Variants in KAZN observed in about 807,000 individuals in gnomAD.
KAZN encodes the protein kazrin, periplakin interacting protein.
Under a neutral mutation model 87.4 loss-of-function variants are expected in KAZN, and 40 were observed. That is an observed-to-expected ratio of 0.46 (90% CI 0.36 to 0.60). KAZN has a LOEUF of 0.60. KAZN is among the 20% of genes least tolerant of loss of function. The pLI, the probability that KAZN is intolerant of heterozygous loss-of-function variation, is 0.00. For missense variants in KAZN, 898 were observed against 1,073.9 expected (o/e 0.84, Z 2.29); for synonymous variants, 466 against 458.3 (o/e 1.02, Z -0.22).
intron 1 of KAZN, among the ~76,000 whole-genome samples, chr1:13,962,503 C>G (rs1389767163): frequency 1.3e-5 from 2 of 152,130 alleles, no homozygotes; most frequent in Non-Finnish European, 2.9e-5. Flanking sequence ...CTCTCACTTG[C>G]ATCATTTCTT....
chr1:14,610,031 C>T (rs1382286033), intron 1 of KAZN, among the ~76,000 whole-genome samples: 1 of 152,202 alleles, frequency 6.6e-6, no homozygotes, highest in Non-Finnish European at 1.5e-5. Context: ...ATGGAGACAC[C>T]ATCACTTCAA....
At chr1:14,635,972 G>A (rs1679952130) in intron 1 of KAZN, among the ~76,000 whole-genome samples, 1 of 152,224 alleles carries the variant, frequency 6.6e-6, no homozygotes, top group African/African-American at 2.4e-5. Flanking sequence ...AGGTCTGTGG[G>A]CATATGGAAA....
At chr1:14,706,386 A>C (rs962855652) in intron 1 of KAZN, among the ~76,000 whole-genome samples, 4 of 152,114 alleles carry the variant, frequency 2.6e-5, no homozygotes, top group South Asian at 2.1e-4. Context: ...CTGGTGCCAA[A>C]AACGTTGGGG....
intron 2 of KAZN, among the ~76,000 whole-genome samples, chr1:14,504,005 A>G (rs904235600): frequency 1.3e-5 from 2 of 152,100 alleles, no homozygotes; most frequent in African/African-American, 4.8e-5. Flanking sequence ...CCTCACTCTC[A>G]AGGTTGCACA....
At chr1:14,404,629 A>G (rs554143704) in intron 2 of KAZN, among the ~76,000 whole-genome samples, 3 of 152,208 alleles carry the variant, frequency 2.0e-5, no homozygotes, top group Non-Finnish European at 2.9e-5. Flanking sequence ...CTGGGAAAGA[A>G]AAACTTAGAA....
chr1:14,368,449 C>T (rs2101006091), intron 2 of KAZN, among the ~76,000 whole-genome samples: 1 of 152,320 alleles, frequency 6.6e-6, no homozygotes, highest in East Asian at 1.9e-4. Flanking sequence ...ATGATGTGGT[C>T]ATCAACAAAG....
At chr1:14,479,014 G>A (rs1011358864) in intron 2 of KAZN, among the ~76,000 whole-genome samples, 2 of 152,228 alleles carry the variant, frequency 1.3e-5, no homozygotes, top group Admixed American at 6.5e-5. Context: ...GGGAGCTTCT[G>A]GGAAGCATGC....
At chr1:14,477,448 CTCTCTCTCTCTCTCTT>C (rs1438564872) in intron 2 of KAZN, among the ~76,000 whole-genome samples, 25 of 147,464 alleles carry the variant, frequency 1.7e-4, no homozygotes, top group African/African-American at 6.1e-4. Context: ...CTCTCTCCCC[CTCTCTCTCTCTCTCTT>C]TCTCTCTCTC....
At chr1:14,698,456 G>T (rs1641737996) in intron 1 of KAZN, among the ~76,000 whole-genome samples, 1 of 152,208 alleles carries the variant, frequency 6.6e-6, no homozygotes, top group Non-Finnish European at 1.5e-5. Flanking sequence ...TTGGGGTCAG[G>T]TGGCTTGCTG....
chr1:13,945,032 A>G (rs1641083060), intron 1 of KAZN, among the ~76,000 whole-genome samples: 1 of 152,176 alleles, frequency 6.6e-6, no homozygotes, highest in East Asian at 1.9e-4. Flanking sequence ...ACTAATCAAA[A>G]GAAAGCTAGT....
chr1:13,990,180 C>T (rs1444709941), intron 1 of KAZN, among the ~76,000 whole-genome samples: 1 of 152,098 alleles, frequency 6.6e-6, no homozygotes, highest in Non-Finnish European at 1.5e-5. Context: ...TAGGTATCTA[C>T]CCAAGAGAAA....
chr1:14,770,792 A>ATGT (rs1328238393), intron 1 of KAZN, among the ~76,000 whole-genome samples: 1 of 152,234 alleles, frequency 6.6e-6, no homozygotes, highest in African/African-American at 2.4e-5. Flanking sequence ...CAGGCCTCTG[A>ATGT]TGTTAAGAGA....
intron 1 of KAZN, among the ~76,000 whole-genome samples, chr1:14,179,832 A>G (rs1646158706): frequency 6.6e-6 from 1 of 152,228 alleles, no homozygotes; most frequent in South Asian, 2.1e-4. Context: ...ATAGAGAAAG[A>G]GGCAGCAACC....
At position 15,031,562 on chromosome 1, in the gene KAZN, G is replaced by A. The variant is rs1671702168; in HGVS notation, c.419-3187G>A. Among the ~76,000 whole-genome samples the A allele has an allele frequency of 2.9e-5, 4 of 138,324 alleles. No homozygotes were observed. In the South Asian group the frequency reaches 8.4e-4, roughly 29 times the overall value. The allele number at this position is 138,324 out of a possible 152,430, so 90.7% of individuals were successfully genotyped here. ...CAGGCAGCTACTCAGGGTGTGTTGT[G>A]TTGTGTTGTGTTGTGTTGTGTTGTG... On this transcript the variant is annotated intron_variant, in intron 2 of 14. Transcript: ENST00000376030.
intron 2 of KAZN, among the ~76,000 whole-genome samples, chr1:14,381,682 A>C (rs750719665): frequency 6.6e-6 from 1 of 152,214 alleles, no homozygotes; most frequent in Non-Finnish European, 1.5e-5. Context: ...AACACAACAT[A>C]ATAAAAGCCA....
intron 2 of KAZN, among the ~76,000 whole-genome samples, chr1:14,432,223 C>T (rs529772215): frequency 5.3e-5 from 8 of 152,312 alleles, no homozygotes; most frequent in African/African-American, 1.9e-4. Context: ...TGTGGTAGTA[C>T]TGCCAGAAGT....
intron 2 of KAZN, among the ~76,000 whole-genome samples, chr1:14,205,884 C>CAAAAAAAAGAAA (rs1646730203): frequency 2.8e-5 from 1 of 35,220 alleles, no homozygotes; most frequent in Non-Finnish European, 4.4e-5. Flanking sequence ...GACACTGTCT[C>CAAAAAAAAGAAA]AAAAAAAAAA....
Position 14,559,709 on chromosome 1 carries a change from G to C in KAZN, c.250-39274G>C, listed in dbSNP as rs74057865. On this transcript the variant is annotated intron_variant, in intron 2 of 16. Transcript: ENST00000636203. ...CAGTCCTTCCCTAGTTAGAGGTAAGGATCCCCCACTGTCTCCACCCCACTC... is the reference window on the plus strand; with the variant it reads ...CAGTCCTTCCCTAGTTAGAGGTAAGCATCCCCCACTGTCTCCACCCCACTC... Among the ~76,000 whole-genome samples, 1,496 of 152,246 alleles carry C rather than the reference G, an allele frequency of 9.8e-3. 18 individuals carry two copies. Among genetic ancestry groups the C allele is most frequent in the African/African-American group, 0.031 (1,283 of 41,534 alleles).
chr1:14,752,259 A>G (rs1464060023), intron 1 of KAZN, among the ~76,000 whole-genome samples: 1 of 152,210 alleles, frequency 6.6e-6, no homozygotes, highest in Non-Finnish European at 1.5e-5. Context: ...TTCAGAAGGG[A>G]CAAGTATTCA....
Sources: gnomAD v4.1 joint callset for allele counts (sites outside exome capture counted in the v4.1 genomes callset) on GRCh38, gnomAD v4.1.1 for gene constraint, MANE v1.5 for transcripts, NCBI Gene and HGNC (gene_info 2026-07-23, HGNC 2026-07-21) for gene names.